PISD: variants seen among roughly 807,000 people sequenced by gnomAD.
PISD encodes phosphatidylserine decarboxylase.
In PISD, 31 loss-of-function variants were observed where a neutral mutation model predicts 43.5. The observed-to-expected ratio is 0.71, with a 90% CI of 0.54 to 0.96. The LOEUF is 0.96. PISD is among the 40% of genes least tolerant of loss of function. The probability of loss-of-function intolerance (pLI) is 0.00; values close to 1 mark genes in which losing one functional copy is unlikely to be tolerated. For synonymous variants in PISD, 259 were observed against 228.7 expected, an observed-to-expected ratio of 1.13 and a Z score of -1.20; for missense variants, 523 against 548.4, an observed-to-expected ratio of 0.95 and a Z score of 0.46.
intron 3 of PISD, among the ~76,000 whole-genome samples, chr22:31,634,697 G>A (rs1006210448): frequency 2.0e-5 from 3 of 151,112 alleles, no homozygotes; most frequent in Non-Finnish European, 2.9e-5. Flanking sequence ...AATTAGCCAG[G>A]TGTGGTGGTG....
rs575936714 is a variant in PISD at position 31,628,030 on chromosome 22, C to A, written c.322-6145G>T. The A allele has an allele frequency of 7.1e-6, 7 of 985,428 alleles. No individual in the cohort carries two copies. The Admixed American group carries it at 1.8e-4, about 26-fold the overall frequency. 61.0% of individuals were successfully genotyped at this position (985,428 alleles called of 1,614,324 possible). A position where few individuals can be genotyped will look rare whatever the true frequency, so the allele number is the denominator to read the frequency against. Reference sequence around the variant, plus strand: ...GCCAGTGAGCCCAGTGAGGGCAGGGCGTCCTTGCCCATTTAGATCCTTGTC... The same window carrying A: ...GCCAGTGAGCCCAGTGAGGGCAGGGAGTCCTTGCCCATTTAGATCCTTGTC... On this transcript the variant is annotated intron_variant, in intron 3 of 7. Transcript: ENST00000439502.
intron 3 of PISD, among the ~76,000 whole-genome samples, chr22:31,642,598 T>A (rs1040713575): frequency 1.3e-5 from 2 of 149,044 alleles, no homozygotes; most frequent in Non-Finnish European, 3.0e-5. Context: ...ATTGAGAGCA[T>A]CCTGGCCAAC....
chr22:31,624,328 T>C (rs62237836), intron 3 of PISD, among the ~76,000 whole-genome samples: 6,730 of 152,228 alleles, frequency 0.044, 131 homozygotes, highest in Non-Finnish European at 0.05. Context: ...CGGCAGCACA[T>C]AGCGCTGAGG....
upstream of PISD, chr22:31,662,313 TG>T: frequency 8.2e-7 from 1 of 1,219,130 alleles, no homozygotes; most frequent in African/African-American, 1.5e-5. Flanking sequence ...AAGCGCGGGT[TG>T]GGGGCGGAGC....
intron 3 of PISD, chr22:31,625,805 T>TGAC: frequency 6.2e-7 from 1 of 1,601,046 alleles, no homozygotes; most frequent in Non-Finnish European, 8.5e-7. Flanking sequence ...CGCCTCTGAC[T>TGAC]GACACATCAT....
intron 3 of PISD, among the ~76,000 whole-genome samples, chr22:31,636,703 C>G (rs1290218526): frequency 1.3e-5 from 2 of 152,110 alleles, no homozygotes; most frequent in African/African-American, 4.8e-5. Context: ...CCACGCCCGG[C>G]TAATTTTTTG....
chr22:31,650,823 T>G (rs1351244458), intron 1 of PISD, 45 bp from the exon 2 acceptor site: 2 of 1,242,228 alleles, frequency 1.6e-6, no homozygotes, highest in African/African-American at 3.0e-5. Flanking sequence ...TTCTTAAAAT[T>G]AAAATTACTG....
At chr22:31,645,036 C>T (rs2073843681) in intron 3 of PISD, among the ~76,000 whole-genome samples, 1 of 152,010 alleles carries the variant, frequency 6.6e-6, no homozygotes, top group Non-Finnish European at 1.5e-5. Flanking sequence ...GCAGGAGAAT[C>T]GCTTGAACCC....
chr22:31,627,881 AG>A, intron 3 of PISD: 1 of 254,038 alleles, frequency 3.9e-6, no homozygotes, highest in Non-Finnish European at 6.2e-6. Flanking sequence ...CCGGTCTCAG[AG>A]GGGGCCCTAC....
chr22:31,627,054 A>G (rs1477423815), intron 3 of PISD, among the ~76,000 whole-genome samples: 3 of 152,268 alleles, frequency 2.0e-5, no homozygotes, highest in Non-Finnish European at 2.9e-5. Flanking sequence ...AACCCTCCTC[A>G]GCCACACAGG....
At chr22:31,628,916 T>C in intron 3 of PISD, 2 of 985,070 alleles carry the variant, frequency 2.0e-6, no homozygotes, top group Non-Finnish European at 2.4e-6. Context: ...ACAGGAAAGA[T>C]GAAATAAGAG....
At position 31,620,998 on chromosome 22, in the gene PISD, G is replaced by A; in HGVS notation, c.842C>T (p.Pro281Leu). 4.3e-6 allele frequency: 7 copies of A among 1,612,326 alleles called. No homozygotes were observed. Among genetic ancestry groups the A allele is most frequent in the Non-Finnish European group, 5.9e-6 (7 of 1,179,270 alleles). ...DWTVSHRRHF[P>L]GSLMSVNPGM... ...CCCCACGCTGGCCCCGGGCTGACCT[G>A]GGAAGTGGCGCCGGTGGGACACAGT... Residue 281 changes from proline to leucine, a missense_variant and splice_region_variant, in exon 6 of 8, where the codon CCA becomes CTA. Transcript: ENST00000439502.
intron 3 of PISD, among the ~76,000 whole-genome samples, chr22:31,637,164 A>AATATATATATATATAT (rs61010566): frequency 2.2e-4 from 3 of 13,630 alleles, no homozygotes; most frequent in South Asian, 3.1e-3. Flanking sequence ...AAAAAAAAAA[A>AATATATATATATATAT]ATATATATAT....
chr22:31,657,827 T>C (rs2074222283), intron 1 of PISD, among the ~76,000 whole-genome samples: 1 of 152,158 alleles, frequency 6.6e-6, no homozygotes, highest in African/African-American at 2.4e-5. Flanking sequence ...GCCCATTTTA[T>C]TTTTTTGATA....
intron 3 of PISD, among the ~76,000 whole-genome samples, chr22:31,622,285 T>TG (rs999914579): frequency 6.6e-6 from 1 of 152,212 alleles, no homozygotes; most frequent in African/African-American, 2.4e-5. Flanking sequence ...GTGGGCATCT[T>TG]GCCCGTGGTC....
intron 1 of PISD, among the ~76,000 whole-genome samples, chr22:31,660,600 G>C (rs2074289458): frequency 6.6e-6 from 1 of 152,206 alleles, no homozygotes; most frequent in South Asian, 2.1e-4. Flanking sequence ...GGAGGCTGCA[G>C]TGAGCCATCA....
At position 31,619,286 on chromosome 22, in the gene PISD, A is replaced by C; in HGVS notation, c.*326T>G. 1 of 361,312 alleles carries C rather than the reference A, an allele frequency of 2.8e-6. No individual in the cohort carries two copies. The highest frequency in any genetic ancestry group is 4.0e-5 in the Admixed American group (1 of 25,088). 22.4% of individuals were successfully genotyped at this position (361,312 alleles called of 1,614,324 possible). A position where few individuals can be genotyped will look rare whatever the true frequency, so the allele number is the denominator to read the frequency against. On this transcript the variant is annotated 3_prime_UTR_variant, in exon 8 of 8. Transcript: ENST00000439502. ...GCAAGAAAAAACGACAACCGAGACC[A>C]ACTGAAGGTTCGGTCAGGAATGCAG...
At chr22:31,645,817 A>G (rs2073869363) in intron 3 of PISD, among the ~76,000 whole-genome samples, 1 of 148,750 alleles carries the variant, frequency 6.7e-6, no homozygotes, top group Non-Finnish European at 1.5e-5. Context: ...AGATTGCGCC[A>G]TTGCCTTCCA....
chr22:31,639,762 T>G (rs772385251), intron 3 of PISD, among the ~76,000 whole-genome samples: 4 of 151,942 alleles, frequency 2.6e-5, no homozygotes, highest in Non-Finnish European at 5.9e-5. Context: ...AAACTACAGA[T>G]CTGTACCTGG....
Sources: gnomAD v4.1 joint callset for allele counts (sites outside exome capture counted in the v4.1 genomes callset) on GRCh38, gnomAD v4.1.1 for gene constraint, MANE v1.5 for transcripts, NCBI Gene and HGNC (gene_info 2026-07-23, HGNC 2026-07-21) for gene names.